Variants in GABRG3 observed in about 807,000 individuals in gnomAD.
GABRG3 encodes gamma-aminobutyric acid receptor subunit gamma-3.
In GABRG3, 25 loss-of-function variants were observed where a neutral mutation model predicts 48.8. The ratio of observed to expected loss-of-function variants is 0.51; its 90% confidence interval spans 0.37 to 0.72. The LOEUF is 0.72. GABRG3 is among the 30% of genes least tolerant of loss of function. The probability of loss-of-function intolerance (pLI) is 0.00; values close to 1 mark genes in which losing one functional copy is unlikely to be tolerated. For missense variants in GABRG3, 394 were observed against 577.9 expected, an observed-to-expected ratio of 0.68 and a Z score of 3.26; for synonymous variants, 227 against 217.6, an observed-to-expected ratio of 1.04 and a Z score of -0.38.
At chr15:27,064,168 G>T (rs1388130636) in intron 3 of GABRG3, among the ~76,000 whole-genome samples, 1 of 152,244 alleles carries the variant, frequency 6.6e-6, no homozygotes, top group Non-Finnish European at 1.5e-5. Flanking sequence ...GAAGTCCGCA[G>T]CCTCTCCCCA....
chr15:27,155,413 A>G (rs1898400265), intron 3 of GABRG3, among the ~76,000 whole-genome samples: 1 of 152,198 alleles, frequency 6.6e-6, no homozygotes, highest in Non-Finnish European at 1.5e-5. Context: ...CCTTCTTGGT[A>G]TAGATGTCAA....
At chr15:27,038,451 G>A (rs1896216601) in intron 3 of GABRG3, among the ~76,000 whole-genome samples, 3 of 152,170 alleles carry the variant, frequency 2.0e-5, no homozygotes, top group Non-Finnish European at 4.4e-5. Context: ...AGTTTGATGA[G>A]TTTCTTGCCT....
chr15:27,344,555 A>G lies in GABRG3; in HGVS notation c.574+15667A>G, dbSNP rs894938869. ...AAATACTGAGAACCTTTGTAAGGAT[A>G]TGTAATTTTTATAATAAAGTTATTT... On this transcript the variant is annotated intron_variant, in intron 5 of 9. Coordinates refer to ENST00000615808, the MANE Select transcript of GABRG3 (RefSeq NM_033223.5). 2.6e-5 allele frequency among the ~76,000 whole-genome samples: 4 copies of G among 152,200 alleles called. No individual in the cohort carries two copies. In the East Asian group the frequency reaches 7.7e-4, roughly 29 times the overall value.
At chr15:27,039,354 G>A (rs1214981356) in intron 3 of GABRG3, among the ~76,000 whole-genome samples, 1 of 152,196 alleles carries the variant, frequency 6.6e-6, no homozygotes, top group East Asian at 1.9e-4. Context: ...AGACCATGGG[G>A]CTGCCTGCTA....
chr15:27,153,073 G>C (rs921939271), intron 3 of GABRG3, among the ~76,000 whole-genome samples: 4 of 152,114 alleles, frequency 2.6e-5, no homozygotes, highest in Admixed American at 1.3e-4. Flanking sequence ...AGTTAGACCA[G>C]GATGGTCTCG....
chr15:27,273,690 GTA>G (rs1891161420), intron 3 of GABRG3, among the ~76,000 whole-genome samples: 1 of 152,228 alleles, frequency 6.6e-6, no homozygotes, highest in South Asian at 2.1e-4. Flanking sequence ...GTCAGCTGCT[GTA>G]TATCAGTGCC....
intron 6 of GABRG3, among the ~76,000 whole-genome samples, chr15:27,516,071 GC>G (rs1891011226): frequency 2.7e-5 from 4 of 149,106 alleles, no homozygotes; most frequent in Non-Finnish European, 5.9e-5. Context: ...TATTAATGTG[GC>G]CCACAAGATG....
At chr15:27,281,720 A>T (rs1161029913) in intron 3 of GABRG3, among the ~76,000 whole-genome samples, 1 of 151,828 alleles carries the variant, frequency 6.6e-6, no homozygotes, top group Non-Finnish European at 1.5e-5. Flanking sequence ...TGTCTTAAAT[A>T]TATCCTCTAC....
At chr15:27,092,773 C>T (rs1897210957) in intron 3 of GABRG3, among the ~76,000 whole-genome samples, 1 of 152,110 alleles carries the variant, frequency 6.6e-6, no homozygotes, top group South Asian at 2.1e-4. Context: ...TGCTCGGTGT[C>T]TTTGTTTTAC....
At chr15:27,484,645 T>C (rs74006959) in intron 6 of GABRG3, among the ~76,000 whole-genome samples, 10,252 of 152,158 alleles carry the variant, frequency 0.067, 852 homozygotes, top group African/African-American at 0.19. Flanking sequence ...CTTGGAGAAG[T>C]GGCAGATTGT....
intron 6 of GABRG3, among the ~76,000 whole-genome samples, chr15:27,513,311 G>A (rs367702890): frequency 4.6e-5 from 7 of 152,056 alleles, no homozygotes; most frequent in South Asian, 4.1e-4. Context: ...TTAGCCAGGC[G>A]TGGTGGTGGG....
chr15:27,526,869 ACAAT>A (rs1891289207), intron 7 of GABRG3, among the ~76,000 whole-genome samples: 1 of 152,202 alleles, frequency 6.6e-6, no homozygotes, highest in African/African-American at 2.4e-5. Flanking sequence ...TAAAGACCAC[ACAAT>A]CTATCTAGGA....
Position 26,971,471 on chromosome 15 carries a change from T to C in GABRG3, c.-65T>C. On this transcript the variant is annotated 5_prime_UTR_variant, in exon 1 of 10. Coordinates refer to ENST00000615808, the MANE Select transcript of GABRG3 (RefSeq NM_033223.5). ...GCAAAGAGGGCCGGCGGAGACCAGG[T>C]CCGCGCCGGAGGAAGCCGCGCCCGG... is the stretch of plus-strand genomic sequence containing the variant. 1 of 1,362,774 alleles carries C rather than the reference T, an allele frequency of 7.3e-7. No homozygotes were observed. The allele number at this position is 1,362,774 out of a possible 1,614,324, so 84.4% of individuals were successfully genotyped here. A position where few individuals can be genotyped will look rare whatever the true frequency, so the allele number is the denominator to read the frequency against.
chr15:27,417,995 G>A (rs1887993228), intron 5 of GABRG3, among the ~76,000 whole-genome samples: 1 of 152,220 alleles, frequency 6.6e-6, no homozygotes, highest in Non-Finnish European at 1.5e-5. Context: ...ATGGTGAGTG[G>A]GAAAGGTCCA....
At chr15:27,062,120 G>A (rs559548435) in intron 3 of GABRG3, among the ~76,000 whole-genome samples, 13 of 152,286 alleles carry the variant, frequency 8.5e-5, no homozygotes, top group African/African-American at 2.9e-4. Context: ...TCCCATGAGA[G>A]TGCCTGTGAT....
At chr15:27,372,360 T>C (rs1021746224) in intron 5 of GABRG3, among the ~76,000 whole-genome samples, 1 of 152,156 alleles carries the variant, frequency 6.6e-6, no homozygotes, top group Non-Finnish European at 1.5e-5. Context: ...TAGAACACTT[T>C]GATTTTCATT....
chr15:27,228,554 G>A (rs1219802057), intron 3 of GABRG3, among the ~76,000 whole-genome samples: 5 of 152,192 alleles, frequency 3.3e-5, no homozygotes, highest in Non-Finnish European at 7.3e-5. Flanking sequence ...ATGGTGGAAT[G>A]ATTTATATTC....
chr15:27,354,889 A>AT (rs899100773), intron 5 of GABRG3, among the ~76,000 whole-genome samples: 8 of 152,192 alleles, frequency 5.3e-5, no homozygotes, highest in Admixed American at 1.3e-4. Context: ...AGTCTAGGTG[A>AT]TTTTTTAAAG....
intron 5 of GABRG3, among the ~76,000 whole-genome samples, chr15:27,406,726 AG>A (rs1226265201): frequency 6.6e-6 from 1 of 152,164 alleles, no homozygotes; most frequent in Non-Finnish European, 1.5e-5. Flanking sequence ...GAACGTCAAG[AG>A]GGTACTAGCA....
Sources: gnomAD v4.1 joint callset for allele counts (sites outside exome capture counted in the v4.1 genomes callset) on GRCh38, gnomAD v4.1.1 for gene constraint, MANE v1.5 for transcripts, NCBI Gene and HGNC (gene_info 2026-07-23, HGNC 2026-07-21) for gene names.